Variants in FNIP1 observed in about 807,000 individuals in gnomAD.
FNIP1 encodes folliculin interacting protein 1.
A neutral mutation model predicts 124.5 loss-of-function variants in FNIP1; 40 were observed. That is an observed-to-expected ratio of 0.32 (90% CI 0.25 to 0.42). The LOEUF is 0.42. Among genes scored for constraint, FNIP1 ranks in the 10% least tolerant of loss-of-function variants. FNIP1 has a pLI of 1.00. For missense variants in FNIP1, 1,176 were observed against 1,403.7 expected (o/e 0.84, Z 2.59); for synonymous variants, 472 against 470.6 (o/e 1.00, Z -0.04).
intron 17 of FNIP1, 56 bp from the exon 18 acceptor site, chr5:131,644,819 C>T: frequency 6.4e-7 from 1 of 1,550,660 alleles, no homozygotes; most frequent in Non-Finnish European, 8.9e-7. Context: ...AGGACATGAA[C>T]TCTACAGGCA....
Position 131,643,981 on chromosome 5 carries a change from T to A in FNIP1, c.*704A>T, listed in dbSNP as rs1156468566. ...TTGGCTTTACTTATATTTTAGAGTG[T>A]GTGAAACAGAAAAATCACCAATAAG... is the stretch of plus-strand genomic sequence containing the variant. On this transcript the variant is annotated 3_prime_UTR_variant, in exon 18 of 18. Transcript: ENST00000510461. 6.6e-6 allele frequency: 1 copy of A among 152,572 alleles called. No individual in the cohort carries two copies. Among genetic ancestry groups the A allele is most frequent in the Non-Finnish European group, 1.5e-5 (1 of 68,030 alleles). 9.5% of individuals were successfully genotyped at this position (152,572 alleles called of 1,614,324 possible).
At position 131,644,635 on chromosome 5, in the gene FNIP1, C is replaced by T. The variant is rs374271114; in HGVS notation, c.*50G>A. 6.7e-7 allele frequency: 1 copy of T among 1,497,818 alleles called. No homozygotes were observed. Among genetic ancestry groups the T allele is most frequent in the Non-Finnish European group, 9.3e-7 (1 of 1,076,042 alleles). 92.8% of individuals were successfully genotyped at this position (1,497,818 alleles called of 1,614,324 possible). A position where few individuals can be genotyped will look rare whatever the true frequency, so the allele number is the denominator to read the frequency against. ...CCATAAATGCATGTTGTGTCTGCTT[C>T]CTTGGTTTCTACCTATTTTCCCACC... On this transcript the variant is annotated 3_prime_UTR_variant, in exon 18 of 18. Transcript: ENST00000510461.
intron 10 of FNIP1, among the ~76,000 whole-genome samples, chr5:131,700,197 T>C (rs1300188403): frequency 6.6e-6 from 1 of 151,974 alleles, no homozygotes; most frequent in African/African-American, 2.4e-5. Context: ...TTGACCAAGA[T>C]GGTCTCGATC....
At chr5:131,780,519 ACT>A (rs1771963029) in intron 1 of FNIP1, among the ~76,000 whole-genome samples, 1 of 146,476 alleles carries the variant, frequency 6.8e-6, no homozygotes. Context: ...GTTTTTGGCA[ACT>A]CTGTGTTGGT....
chr5:131,678,970 C>T lies in FNIP1; in HGVS notation c.1349+59G>A, dbSNP rs921341736. ...CCAAAGATAATGGATGATTCTTCCACATCTGTAATTGAGTTTGATTACAAT... is the reference window on the plus strand; with the variant it reads ...CCAAAGATAATGGATGATTCTTCCATATCTGTAATTGAGTTTGATTACAAT... On this transcript the variant is annotated intron_variant, in intron 12 of 17. Coordinates refer to ENST00000510461, the MANE Select transcript of FNIP1 (RefSeq NM_133372.3). 6 of 1,130,416 alleles carry T rather than the reference C, an allele frequency of 5.3e-6. No homozygotes were observed. In the South Asian group the frequency reaches 7.5e-5, roughly 14 times the overall value. The allele number at this position is 1,130,416 out of a possible 1,614,324, so 70.0% of individuals were successfully genotyped here.
chr5:131,707,983 A>G (rs1196761320), intron 8 of FNIP1, among the ~76,000 whole-genome samples: 1 of 152,110 alleles, frequency 6.6e-6, no homozygotes, highest in Non-Finnish European at 1.5e-5. Context: ...AAAGAAATAA[A>G]CTCTAGATTC....
intron 2 of FNIP1, among the ~76,000 whole-genome samples, chr5:131,735,557 T>C (rs1475074561): frequency 1.3e-5 from 2 of 148,472 alleles, no homozygotes; most frequent in Admixed American, 6.8e-5. Context: ...TATATACATA[T>C]ACACATATTT....
chr5:131,744,046 A>C (rs977053948), intron 2 of FNIP1, among the ~76,000 whole-genome samples: 1 of 152,176 alleles, frequency 6.6e-6, no homozygotes, highest in Non-Finnish European at 1.5e-5. Flanking sequence ...GAGTTCAAAA[A>C]ACAGCATGAG....
intron 15 of FNIP1, 104 bp downstream of exon 15, chr5:131,670,359 G>T: frequency 1.1e-6 from 1 of 920,958 alleles, no homozygotes; most frequent in Non-Finnish European, 1.6e-6. Context: ...AGAGAACAAT[G>T]ATTGTGTTGT....
chr5:131,770,883 T>G (rs1191358548), intron 1 of FNIP1, among the ~76,000 whole-genome samples: 1 of 152,234 alleles, frequency 6.6e-6, no homozygotes, highest in Non-Finnish European at 1.5e-5. Context: ...TTTGTTTGTA[T>G]GTGCACCAAA....
rs144782063 is a variant in FNIP1, at chr5:131,703,498, A to G, written c.1116+567T>C. Among the ~76,000 whole-genome samples, 1,154 of 152,306 alleles carry G rather than the reference A, an allele frequency of 7.6e-3. 47 individuals are homozygous for G. The highest frequency in any genetic ancestry group is 0.067 in the Admixed American group (1,024 of 15,292). On this transcript the variant is annotated intron_variant, in intron 10 of 17. Coordinates refer to ENST00000510461, the MANE Select transcript of FNIP1 (RefSeq NM_133372.3). ...TCCTACATGATCTAGTCTCACTTCAACCTAGGCACCTTGGCCTCGTAATGC... is the reference window on the plus strand; with the variant it reads ...TCCTACATGATCTAGTCTCACTTCAGCCTAGGCACCTTGGCCTCGTAATGC...
chr5:131,768,052 A>G (rs1473468403), intron 1 of FNIP1, among the ~76,000 whole-genome samples: 1 of 152,192 alleles, frequency 6.6e-6, no homozygotes, highest in Non-Finnish European at 1.5e-5. Flanking sequence ...TAGTATTACT[A>G]TCATCATTTA....
At chr5:131,745,603 G>A (rs1770651203) in intron 1 of FNIP1, among the ~76,000 whole-genome samples, 1 of 151,942 alleles carries the variant, frequency 6.6e-6, no homozygotes, top group South Asian at 2.1e-4. Context: ...AATTTAGTAT[G>A]TGTATATATA....
At chr5:131,742,007 T>C (rs960954170) in intron 2 of FNIP1, among the ~76,000 whole-genome samples, 1 of 152,106 alleles carries the variant, frequency 6.6e-6, no homozygotes, top group Non-Finnish European at 1.5e-5. Flanking sequence ...GCAGGACAGA[T>C]GGACGCTGCT....
intron 1 of FNIP1, among the ~76,000 whole-genome samples, chr5:131,764,413 C>T (rs1001834308): frequency 6.7e-6 from 1 of 150,318 alleles, no homozygotes; most frequent in African/African-American, 2.5e-5. Context: ...GCTCAAGTGA[C>T]TCTCACCTCA....
intron 2 of FNIP1, 48 bp downstream of exon 2, chr5:131,744,516 T>C (rs780716897): frequency 3.2e-6 from 5 of 1,551,768 alleles, no homozygotes; most frequent in Non-Finnish European, 4.4e-6. Context: ...ACTGGAATTA[T>C]CAAAATGTTC....
At chr5:131,713,088 G>A (rs548925663) in intron 6 of FNIP1, among the ~76,000 whole-genome samples, 1 of 151,308 alleles carries the variant, frequency 6.6e-6, no homozygotes, top group Non-Finnish European at 1.5e-5. Context: ...ACGGAGTCTC[G>A]CTCAGGCTGG....
At chr5:131,751,334 G>C (rs1204817219) in intron 1 of FNIP1, among the ~76,000 whole-genome samples, 1 of 151,898 alleles carries the variant, frequency 6.6e-6, no homozygotes, top group South Asian at 2.1e-4. Context: ...ACTGAGTTTT[G>C]GGATTACACT....
At chr5:131,778,066 C>A (rs987779561) in intron 1 of FNIP1, among the ~76,000 whole-genome samples, 13 of 152,144 alleles carry the variant, frequency 8.5e-5, no homozygotes, top group African/African-American at 3.1e-4. Flanking sequence ...AGGTTCTGTG[C>A]TTTCTGGTAC....
Sources: gnomAD v4.1 joint callset for allele counts (sites outside exome capture counted in the v4.1 genomes callset) on GRCh38, gnomAD v4.1.1 for gene constraint, MANE v1.5 for transcripts, NCBI Gene and HGNC (gene_info 2026-07-23, HGNC 2026-07-21) for gene names.